The following GNAQ variants were observed in gnomAD, a reference collection of about 807,000 sequenced individuals.
GNAQ encodes the protein G protein subunit alpha q.
A neutral mutation model predicts 43.9 loss-of-function variants in GNAQ; 8 were observed. The ratio of observed to expected loss-of-function variants is 0.18; its 90% CI spans 0.11 to 0.33. The LOEUF (loss-of-function observed/expected upper bound fraction) is 0.33, where lower values mean the gene tolerates loss of function less well. Ranked by LOEUF, GNAQ falls within the 10% of genes least tolerant of loss-of-function variation. The pLI is 1.00. For missense variants in GNAQ, 158 were observed against 450.8 expected, an observed-to-expected ratio of 0.35 and a Z score of 5.88; for synonymous variants, 155 against 170.7, an observed-to-expected ratio of 0.91 and a Z score of 0.71.
chr9:77,863,179 A>AAAGGAAGG (rs750178023), intron 2 of GNAQ, among the ~76,000 whole-genome samples: 10,681 of 130,006 alleles, frequency 0.082, 556 homozygotes, highest in Non-Finnish European at 0.099. Context: ...CGTATGAAAG[A>AAAGGAAGG]AAGGAAGGAA....
chr9:77,843,574 G>A (rs1371217382), intron 2 of GNAQ, among the ~76,000 whole-genome samples: 1 of 152,128 alleles, frequency 6.6e-6, no homozygotes, highest in Non-Finnish European at 1.5e-5. Context: ...TGGGTGGGAT[G>A]GATGCTGACC....
intron 1 of GNAQ, among the ~76,000 whole-genome samples, chr9:77,941,091 G>T (rs1183656506): frequency 2.6e-5 from 4 of 152,108 alleles, no homozygotes; most frequent in African/African-American, 9.7e-5. Flanking sequence ...AAATTCAAAT[G>T]GCAATGACAT....
intron 2 of GNAQ, among the ~76,000 whole-genome samples, chr9:77,822,472 T>C (rs957126603): frequency 9.2e-5 from 14 of 152,196 alleles, no homozygotes; most frequent in African/African-American, 3.1e-4. Context: ...GTAATGTCTG[T>C]GCTCCTACAA....
chr9:77,933,921 C>T (rs1829191987), intron 1 of GNAQ, among the ~76,000 whole-genome samples: 1 of 152,100 alleles, frequency 6.6e-6, no homozygotes, highest in South Asian at 2.1e-4. Context: ...AATTATGGGA[C>T]GCTCTTTTGA....
intron 1 of GNAQ, among the ~76,000 whole-genome samples, chr9:77,967,164 G>A (rs537772370): frequency 1.3e-5 from 2 of 152,228 alleles, no homozygotes; most frequent in African/African-American, 4.8e-5. Context: ...TCAGGAAAAG[G>A]GTATCATGCC....
At chr9:77,856,587 A>C (rs547087319) in intron 2 of GNAQ, among the ~76,000 whole-genome samples, 1 of 152,202 alleles carries the variant, frequency 6.6e-6, no homozygotes, top group Non-Finnish European at 1.5e-5. Context: ...TCTTAAGGAG[A>C]CTAAGCCTTG....
intron 1 of GNAQ, among the ~76,000 whole-genome samples, chr9:77,970,955 G>A (rs865829318): frequency 1.3e-4 from 20 of 152,012 alleles, no homozygotes; most frequent in African/African-American, 4.1e-4. Context: ...TATCACCACC[G>A]ATCCCACAGA....
At chr9:77,746,830 G>C (rs1825738093) in intron 5 of GNAQ, among the ~76,000 whole-genome samples, 1 of 152,136 alleles carries the variant, frequency 6.6e-6, no homozygotes, top group Non-Finnish European at 1.5e-5. Flanking sequence ...ACACCATTTT[G>C]AGACACGAAG....
intron 3 of GNAQ, among the ~76,000 whole-genome samples, chr9:77,809,935 T>G (rs2118495705): frequency 6.6e-6 from 1 of 152,298 alleles, no homozygotes; most frequent in South Asian, 2.1e-4. Flanking sequence ...TTAGAACATC[T>G]TTCATGTTAG....
intron 2 of GNAQ, among the ~76,000 whole-genome samples, chr9:77,843,590 G>A (rs1827527311): frequency 6.6e-6 from 1 of 152,160 alleles, no homozygotes; most frequent in East Asian, 1.9e-4. Context: ...TGACCCCTTG[G>A]ATAGAGTAGT....
intron 1 of GNAQ, among the ~76,000 whole-genome samples, chr9:77,937,866 T>G (rs781251342): frequency 9.2e-5 from 14 of 152,206 alleles, no homozygotes; most frequent in Non-Finnish European, 1.9e-4. Context: ...CACTCCAGTC[T>G]GGGCAACAAG....
rs147371260 is a variant in GNAQ, at chr9:77,879,083, T to G, written c.321+43078A>C. Among the ~76,000 whole-genome samples, 1,302 of 150,192 alleles carry G rather than the reference T, an allele frequency of 8.7e-3. 5 individuals carry two copies. Among genetic ancestry groups the G allele is most frequent in the Middle Eastern group, 0.02 (6 of 294 alleles). ...CAAACAAATTTAAAAAACCAAAAAA[T>G]AAAAAAATAAGATGAGGAAAATGAG... On this transcript the variant is annotated intron_variant, in intron 2 of 6. Transcript: ENST00000286548.
At chr9:77,935,636 GAC>G (rs1293000730) in intron 1 of GNAQ, among the ~76,000 whole-genome samples, 1 of 152,152 alleles carries the variant, frequency 6.6e-6, no homozygotes, top group African/African-American at 2.4e-5. Context: ...CTGTCCAAAA[GAC>G]AGGCGCAACA....
chr9:77,867,718 C>T (rs1564135237), intron 2 of GNAQ, among the ~76,000 whole-genome samples: 3 of 152,150 alleles, frequency 2.0e-5, no homozygotes, highest in Non-Finnish European at 2.9e-5. Flanking sequence ...TACATATGTG[C>T]AGGAGAACAA....
intron 2 of GNAQ, among the ~76,000 whole-genome samples, chr9:77,897,714 C>T (rs564980303): frequency 6.6e-6 from 1 of 152,154 alleles, no homozygotes; most frequent in Non-Finnish European, 1.5e-5. Flanking sequence ...ACCAAAAAAA[C>T]GTATGTTTGA....
At chr9:78,026,229 T>C (rs982825791) in intron 1 of GNAQ, among the ~76,000 whole-genome samples, 19 of 152,206 alleles carry the variant, frequency 1.2e-4, no homozygotes, top group Admixed American at 1.2e-3. Flanking sequence ...AGATTTGCCA[T>C]ATGAAGAAAT....
chr9:77,804,761 A>G (rs1030882259), intron 3 of GNAQ, among the ~76,000 whole-genome samples: 10 of 152,332 alleles, frequency 6.6e-5, no homozygotes, highest in African/African-American at 2.4e-4. Flanking sequence ...GGCTGCATTT[A>G]TAACAAATTT....
At chr9:77,900,675 G>C (rs1828592804) in intron 2 of GNAQ, among the ~76,000 whole-genome samples, 1 of 152,116 alleles carries the variant, frequency 6.6e-6, no homozygotes, top group South Asian at 2.1e-4. Flanking sequence ...TTACAGGTGT[G>C]TGCTACCACA....
chr9:77,898,255 C>G (rs928588593), intron 2 of GNAQ, among the ~76,000 whole-genome samples: 1 of 152,162 alleles, frequency 6.6e-6, no homozygotes, highest in Non-Finnish European at 1.5e-5. Flanking sequence ...TGCCATCATC[C>G]CTCTCCAATA....
Sources: gnomAD v4.1 joint callset for allele counts (sites outside exome capture counted in the v4.1 genomes callset) on GRCh38, gnomAD v4.1.1 for gene constraint, MANE v1.5 for transcripts, NCBI Gene and HGNC (gene_info 2026-07-23, HGNC 2026-07-21) for gene names.